The following TMEM184B variants were observed in gnomAD, a reference collection of about 807,000 sequenced individuals.
The protein encoded by TMEM184B is putative MAPK-activating protein FM08.
In TMEM184B, 17 loss-of-function variants were observed where a neutral mutation model predicts 41.8. That is an observed-to-expected ratio of 0.41 (90% CI 0.28 to 0.61). The LOEUF is 0.61. TMEM184B is among the 20% of genes least tolerant of loss of function. The pLI, the probability that TMEM184B is intolerant of heterozygous loss-of-function variation, is 0.34. For missense variants in TMEM184B, 393 were observed against 557.8 expected, an observed-to-expected ratio of 0.70 and a Z score of 2.98; for synonymous variants, 240 against 229.5, an observed-to-expected ratio of 1.05 and a Z score of -0.41.
chr22:38,239,422 A>C lies in TMEM184B; in HGVS notation c.358+6513T>G, dbSNP rs1380901974. 1.3e-5 allele frequency: 2 copies of C among 152,152 alleles called. No individual in the cohort carries two copies. Among genetic ancestry groups the C allele is most frequent in the African/African-American group, 4.8e-5 (2 of 41,430 alleles). The allele number at this position is 152,152 out of a possible 1,614,324, so 9.4% of individuals were successfully genotyped here. ...GGAGCAAACCTTCAAGGACAAGAGG[A>C]GTGGCAACAGCCAAGCGACATCAAC... On this transcript the variant is annotated intron_variant, in intron 3 of 8. Coordinates refer to ENST00000361906, the MANE Select transcript of TMEM184B (RefSeq NM_012264.5). The surrounding 1 kb of genome is among the most constrained non-coding windows in gnomAD (Gnocchi z 4.6).
downstream of TMEM184B, chr22:38,219,215 A>G (rs2091193637): frequency 1.0e-6 from 1 of 975,594 alleles, no homozygotes; most frequent in South Asian, 4.7e-5. Context: ...AGCCGCCTGT[A>G]CCCACAGCCA....
rs1569014699 is a variant in TMEM184B at position 38,225,401 on chromosome 22, C to T, written c.787+23G>A. On this transcript the variant is annotated intron_variant, in intron 7 of 8. Coordinates refer to ENST00000361906, the MANE Select transcript of TMEM184B (RefSeq NM_012264.5). This position sits in a 1 kb window ranked among gnomAD's most constrained non-coding sequence, Gnocchi z 4.4. ...GAGGACAGGGTGGCATGGGCAGCCT[C>T]CAGGTGCTGGGAGGGGGCTCACCTT... 6.5e-7 allele frequency: 1 copy of T among 1,537,788 alleles called. No individual in the cohort carries two copies. The highest frequency in any genetic ancestry group is 2.4e-5 in the East Asian group (1 of 42,272).
Position 38,219,968 on chromosome 22 carries a change from G to A in TMEM184B, c.*1501C>T, listed in dbSNP as rs1037349980. On this transcript the variant is annotated 3_prime_UTR_variant, in exon 9 of 9. Transcript: ENST00000361906. Reference sequence around the variant, plus strand: ...CAACTCTCCTCACAGGTGGCAGGGAGGGAACCTGTTCATTCCAGGAAGGAC... The same window carrying A: ...CAACTCTCCTCACAGGTGGCAGGGAAGGAACCTGTTCATTCCAGGAAGGAC... The A allele has an allele frequency of 1.4e-5, 14 of 985,362 alleles. No individual in the cohort carries two copies. In the African/African-American group the frequency reaches 2.3e-4, roughly 16 times the overall value. The allele number at this position is 985,362 out of a possible 1,614,324, so 61.0% of individuals were successfully genotyped here.
At chr22:38,241,163 G>A (rs541841468) in intron 3 of TMEM184B, among the ~76,000 whole-genome samples, 18 of 152,340 alleles carry the variant, frequency 1.2e-4, no homozygotes, top group African/African-American at 3.8e-4. Context: ...CCTGACTGCA[G>A]CACAGGGAGA....
Position 38,247,955 on chromosome 22 carries a change from C to T in TMEM184B, c.7G>A (p.Val3Met). ...TCCGGGGCCAGCACATCCCCCCTCACTGTCATGGTGCCTGGCAGCAGGAGG... is the reference window on the plus strand; with the variant it reads ...TCCGGGGCCAGCACATCCCCCCTCATTGTCATGGTGCCTGGCAGCAGGAGG... MT[V>M]RGDVLAPDPA... The change falls in exon 2 of 9, where the codon GTG becomes ATG. Residue 3 changes from valine to methionine, a missense_variant. Around this residue, in one of 2 missense-constraint regions of TMEM184B, gnomAD observed 122 missense variants for 123.7 expected, o/e 0.99. Transcript: ENST00000361906. 2 of 1,578,964 alleles carry T rather than the reference C, an allele frequency of 1.3e-6. No individual in the cohort carries two copies. The highest frequency in any genetic ancestry group is 1.7e-6 in the Non-Finnish European group (2 of 1,168,482).
At chr22:38,256,843 G>T (rs943685766) in intron 1 of TMEM184B, among the ~76,000 whole-genome samples, 1 of 152,078 alleles carries the variant, frequency 6.6e-6, no homozygotes, top group African/African-American at 2.4e-5. Flanking sequence ...TTTCTATTTT[G>T]AAATAATCGT....
At position 38,220,646 on chromosome 22, in the gene TMEM184B, CCT is replaced by C. The variant is rs2091232688; in HGVS notation, c.*821_*822del. 7 of 986,252 alleles carry C rather than the reference CCT, an allele frequency of 7.1e-6. No homozygotes were observed. Among genetic ancestry groups the C allele is most frequent in the Non-Finnish European group, 7.2e-6 (6 of 830,220 alleles). The allele number at this position is 986,252 out of a possible 1,614,324, so 61.1% of individuals were successfully genotyped here. A position where few individuals can be genotyped will look rare whatever the true frequency, so the allele number is the denominator to read the frequency against. Reference sequence around the variant, plus strand: ...AGCCTGGGAAGGAGGGCTGGGAGCCCCTGAGCCCTGAAGCAGCCAGGAAGCAA... The same window carrying C: ...AGCCTGGGAAGGAGGGCTGGGAGCCCGAGCCCTGAAGCAGCCAGGAAGCAA... On this transcript the variant is annotated 3_prime_UTR_variant, in exon 9 of 9. Transcript: ENST00000361906.
At chr22:38,217,510 C>T (rs2091163505), downstream of TMEM184B, among the ~76,000 whole-genome samples, 2 of 151,814 alleles carry the variant, frequency 1.3e-5, no homozygotes, top group Admixed American at 1.3e-4. Flanking sequence ...GGCATGGTGG[C>T]GGGCGCCTGT....
At chr22:38,228,034 GA>G (rs1389460521) in intron 5 of TMEM184B, among the ~76,000 whole-genome samples, 1 of 152,182 alleles carries the variant, frequency 6.6e-6, no homozygotes, top group Admixed American at 6.5e-5. Flanking sequence ...CCTGGAGTGG[GA>G]ACCGTGATCC....
intron 5 of TMEM184B, among the ~76,000 whole-genome samples, 176 bp downstream of exon 5, chr22:38,230,493 C>T (rs987689475): frequency 6.6e-6 from 1 of 152,204 alleles, no homozygotes; most frequent in African/African-American, 2.4e-5. Flanking sequence ...GCTGCCCCTC[C>T]AAGCACACCC....
chr22:38,254,930 C>T (rs2145733936), intron 1 of TMEM184B, among the ~76,000 whole-genome samples: 1 of 151,276 alleles, frequency 6.6e-6, no homozygotes, highest in South Asian at 2.1e-4. Flanking sequence ...TGGCTCACTG[C>T]AACCTCTACC....
intron 1 of TMEM184B, among the ~76,000 whole-genome samples, chr22:38,271,947 G>T (rs73409232): frequency 0.013 from 2,025 of 152,346 alleles, 40 homozygotes; most frequent in African/African-American, 0.044. Context: ...AGGTGAGCTT[G>T]TTTGCCTGGC....
In TMEM184B at chr22:38,219,770, T is replaced by G. The variant is rs1037948563; in HGVS notation, c.*1699A>C. 2.0e-6 allele frequency: 2 copies of G among 985,468 alleles called. No homozygotes were observed. Among genetic ancestry groups the G allele is most frequent in the African/African-American group, 3.5e-5 (2 of 57,236 alleles). The allele number at this position is 985,468 out of a possible 1,614,324, so 61.0% of individuals were successfully genotyped here. A position where few individuals can be genotyped will look rare whatever the true frequency, so the allele number is the denominator to read the frequency against. On this transcript the variant is annotated 3_prime_UTR_variant, in exon 9 of 9. Coordinates refer to ENST00000361906, the MANE Select transcript of TMEM184B (RefSeq NM_012264.5). ...GGAGAGACAGCTTGGTGAAAGCAGA[T>G]GGCGGGGCAGGGCCAGGGCTGGTCC...
At chr22:38,264,202 C>T (rs754862159) in intron 1 of TMEM184B, among the ~76,000 whole-genome samples, 1 of 152,196 alleles carries the variant, frequency 6.6e-6, no homozygotes, top group African/African-American at 2.4e-5. Flanking sequence ...GAACCCACAC[C>T]GGCCCCAACT....
In TMEM184B at chr22:38,225,195, C is replaced by T. The variant is rs749512480; in HGVS notation, c.788-216G>A. Among the ~76,000 whole-genome samples the T allele has an allele frequency of 3.9e-5, 6 of 152,172 alleles. No individual in the cohort carries two copies. The highest frequency in any genetic ancestry group is 2.1e-4 in the South Asian group (1 of 4,820). On this transcript the variant is annotated intron_variant, in intron 7 of 8. Coordinates refer to ENST00000361906, the MANE Select transcript of TMEM184B (RefSeq NM_012264.5). The surrounding 1 kb of genome is among the most constrained non-coding windows in gnomAD (Gnocchi z 4.4). ...ACCGAAACTGAGATGCCAGCAATTA[C>T]GCAGGGTCTCCTGGGCCCTCTCATC...
At chr22:38,231,089 C>T (rs541316589) in intron 4 of TMEM184B, among the ~76,000 whole-genome samples, 155 bp downstream of exon 4, 168 of 152,272 alleles carry the variant, frequency 1.1e-3, no homozygotes, top group African/African-American at 3.9e-3. Context: ...CTAAAACGCC[C>T]AGAAGAATGG....
At chr22:38,248,672 C>T (rs1358303965) in intron 1 of TMEM184B, among the ~76,000 whole-genome samples, 2 of 152,240 alleles carry the variant, frequency 1.3e-5, no homozygotes, top group Non-Finnish European at 2.9e-5. Flanking sequence ...ACTGTTCCCC[C>T]CACCCCACCT....
rs2091251511 is a variant in TMEM184B at position 38,221,258 on chromosome 22, G to C, written c.*211C>G. 2 of 1,422,866 alleles carry C rather than the reference G, an allele frequency of 1.4e-6. No individual in the cohort carries two copies. The highest frequency in any genetic ancestry group is 9.1e-7 in the Non-Finnish European group (1 of 1,093,136). 88.1% of individuals were successfully genotyped at this position (1,422,866 alleles called of 1,614,324 possible). On this transcript the variant is annotated 3_prime_UTR_variant, in exon 9 of 9. Transcript: ENST00000361906. ...CTCTGCCCTCGCCCGGGCAGTGCAG[G>C]CTGGGCCATGTATAAATATTCCTGA...
At chr22:38,264,770 T>C (rs1003052397) in intron 1 of TMEM184B, among the ~76,000 whole-genome samples, 2 of 152,190 alleles carry the variant, frequency 1.3e-5, no homozygotes, top group African/African-American at 2.4e-5. Flanking sequence ...TACTGCAAAC[T>C]GGGAAAAGAA....
Sources: gnomAD v4.1 joint callset for allele counts (sites outside exome capture counted in the v4.1 genomes callset) on GRCh38, gnomAD v4.1.1 for gene constraint, gnomAD v4.1.1 regional missense constraint, Gnocchi (gnomAD v3.1) non-coding constraint, MANE v1.5 for transcripts, NCBI Gene and HGNC (gene_info 2026-07-23, HGNC 2026-07-21) for gene names.